Variants in CUX1 observed in about 807,000 individuals in gnomAD.
The protein encoded by CUX1 is protein CASP.
A neutral mutation model predicts 158.8 loss-of-function variants in CUX1; 31 were observed. That is an observed-to-expected ratio of 0.20 (90% CI 0.15 to 0.26). The LOEUF is 0.26. Among genes scored for constraint, CUX1 ranks in the 10% least tolerant of loss-of-function variants. CUX1 has a pLI of 1.00. For missense variants in CUX1, 1,589 were observed against 2,014.6 expected (o/e 0.79, Z 4.04); for synonymous variants, 879 against 862.1 (o/e 1.02, Z -0.34).
chr7:102,134,060 C>T (rs1441199050), intron 8 of CUX1, among the ~76,000 whole-genome samples: 2 of 152,118 alleles, frequency 1.3e-5, no homozygotes, highest in Non-Finnish European at 2.9e-5. Context: ...ATTGTCCTGG[C>T]GCGCTGGCTC....
chr7:102,020,890 A>G lies in CUX1; in HGVS notation c.142-7208A>G, dbSNP rs116792035. ...AGCAAAACTCGGTTTGGAAAAAAAA[A>G]AAAAAAAGAAATTACAAAGTGAGCT... On this transcript the variant is annotated intron_variant, in intron 2 of 23. Coordinates refer to ENST00000292535, the MANE Select transcript of CUX1 (RefSeq NM_181552.4). Among the ~76,000 whole-genome samples the G allele has an allele frequency of 9.5e-3, 1,449 of 152,064 alleles. 20 individuals carry two copies. The highest frequency in any genetic ancestry group is 0.033 in the African/African-American group (1,355 of 41,476).
At chr7:102,207,604 AC>A (rs1429053021) in intron 20 of CUX1, among the ~76,000 whole-genome samples, 1 of 151,968 alleles carries the variant, frequency 6.6e-6, no homozygotes, top group Non-Finnish European at 1.5e-5. Context: ...GGTACCCATC[AC>A]CACGCCCGGC....
Position 101,869,243 on chromosome 7 carries a change from G to A in CUX1, c.31-46872G>A, listed in dbSNP as rs892125481. On this transcript the variant is annotated intron_variant, in intron 1 of 23. Coordinates refer to ENST00000292535, the MANE Select transcript of CUX1 (RefSeq NM_181552.4). The surrounding 1 kb of genome is among the most constrained non-coding windows in gnomAD (Gnocchi z 4.5). ...GGCAGAGGGGCTGTGTCAGAGCCCC[G>A]GCTGGCGAGAGGAGCATCACTGTGT... Among the ~76,000 whole-genome samples the A allele has an allele frequency of 4.0e-5, 6 of 151,722 alleles. No homozygotes were observed. Among genetic ancestry groups the A allele is most frequent in the Admixed American group, 6.6e-5 (1 of 15,232 alleles).
chr7:101,964,451 T>G (rs973134645), intron 2 of CUX1, among the ~76,000 whole-genome samples: 1 of 152,226 alleles, frequency 6.6e-6, no homozygotes, highest in African/African-American at 2.4e-5. Context: ...TCCTTGTTAT[T>G]GATGTTATCG....
intron 9 of CUX1, among the ~76,000 whole-genome samples, chr7:102,162,741 C>T (rs1003694040): frequency 6.6e-6 from 1 of 152,166 alleles, no homozygotes; most frequent in African/African-American, 2.4e-5. Context: ...CTCTTGAACT[C>T]CTGGGCTCAA....
chr7:101,823,926 C>G (rs184563583), intron 1 of CUX1, among the ~76,000 whole-genome samples: 1 of 152,244 alleles, frequency 6.6e-6, no homozygotes, highest in East Asian at 1.9e-4. Flanking sequence ...AAAACCAAAC[C>G]AAACCAAACC....
At chr7:102,039,890 GC>G (rs1821874148) in intron 3 of CUX1, among the ~76,000 whole-genome samples, 1 of 152,118 alleles carries the variant, frequency 6.6e-6, no homozygotes, top group Non-Finnish European at 1.5e-5. Context: ...AGTATCACCT[GC>G]TGACATGGCC....
At chr7:101,910,605 A>G (rs1192595437) in intron 1 of CUX1, among the ~76,000 whole-genome samples, 1 of 152,092 alleles carries the variant, frequency 6.6e-6, no homozygotes, top group Non-Finnish European at 1.5e-5. Context: ...AAAACATAAA[A>G]ATTAGCTGGG....
At position 101,869,966 on chromosome 7, in the gene CUX1, G is replaced by A. The variant is rs897993488; in HGVS notation, c.31-46149G>A. Among the ~76,000 whole-genome samples, 3 of 151,674 alleles carry A rather than the reference G, an allele frequency of 2.0e-5. No homozygotes were observed. Among genetic ancestry groups the A allele is most frequent in the Non-Finnish European group, 2.9e-5 (2 of 67,918 alleles). On this transcript the variant is annotated intron_variant, in intron 1 of 23. Transcript: ENST00000292535. The surrounding 1 kb of genome is among the most constrained non-coding windows in gnomAD (Gnocchi z 4.5). Reference sequence around the variant, plus strand: ...ACCACCCTTGGGAAGGCGGCTCCTCGTGCCCCCCCTCTTGTGCCTTCCCTC... The same window carrying A: ...ACCACCCTTGGGAAGGCGGCTCCTCATGCCCCCCCTCTTGTGCCTTCCCTC...
At chr7:101,944,506 C>A (rs1401934754) in intron 2 of CUX1, among the ~76,000 whole-genome samples, 2 of 152,190 alleles carry the variant, frequency 1.3e-5, no homozygotes, top group Non-Finnish European at 2.9e-5. Context: ...CAGTGAGCCA[C>A]CAGTTGACAC....
At chr7:102,242,859 G>A (rs1800367768) in intron 23 of CUX1, among the ~76,000 whole-genome samples, 1 of 152,200 alleles carries the variant, frequency 6.6e-6, no homozygotes, top group African/African-American at 2.4e-5. Context: ...TCATTGTGGG[G>A]ATGCCTCTTT....
At chr7:102,158,994 G>T (rs1019903113) in intron 9 of CUX1, among the ~76,000 whole-genome samples, 2 of 151,772 alleles carry the variant, frequency 1.3e-5, no homozygotes, top group East Asian at 1.9e-4. Context: ...TCTCACCACG[G>T]TGTTATCCTA....
At chr7:101,986,714 C>T (rs145968612) in intron 2 of CUX1, among the ~76,000 whole-genome samples, 223 of 152,226 alleles carry the variant, frequency 1.5e-3, no homozygotes, top group African/African-American at 5.0e-3. Flanking sequence ...GGTTTGGAGA[C>T]GAGAGGAAAT....
chr7:102,111,547 C>T (rs1044766621), intron 6 of CUX1, 151 bp from the exon 7 acceptor site: 3 of 664,444 alleles, frequency 4.5e-6, no homozygotes, highest in African/African-American at 3.6e-5. Context: ...GGGAGCGGGG[C>T]CCACGGCACA....
At chr7:101,826,540 T>C (rs971824704) in intron 1 of CUX1, among the ~76,000 whole-genome samples, 3 of 152,128 alleles carry the variant, frequency 2.0e-5, no homozygotes, top group Non-Finnish European at 1.5e-5. Flanking sequence ...CTTTTGCCCC[T>C]GTGTGCCCGG....
chr7:102,178,317 G>T, intron 10 of CUX1, 152 bp from the exon 11 acceptor site: 1 of 728,506 alleles, frequency 1.4e-6, no homozygotes. Context: ...GGTTGCATAG[G>T]GGAAGTGCAA....
At chr7:102,228,901 A>G (rs539938959) in intron 21 of CUX1, among the ~76,000 whole-genome samples, 9 of 152,296 alleles carry the variant, frequency 5.9e-5, no homozygotes, top group African/African-American at 1.9e-4. Flanking sequence ...TGGAAGGTCT[A>G]ACGGACCCCG....
At chr7:102,028,826 A>G (rs1286737847) in intron 3 of CUX1, among the ~76,000 whole-genome samples, 1 of 152,166 alleles carries the variant, frequency 6.6e-6, no homozygotes, top group African/African-American at 2.4e-5. Context: ...AGTGATGTTT[A>G]GAAAACCAGA....
chr7:102,016,840 C>T (rs1194639821), intron 2 of CUX1, among the ~76,000 whole-genome samples: 2 of 152,176 alleles, frequency 1.3e-5, no homozygotes, highest in Non-Finnish European at 2.9e-5. Flanking sequence ...TGATTTTAAA[C>T]AGCCCATTTG....
Sources: gnomAD v4.1 joint callset for allele counts (sites outside exome capture counted in the v4.1 genomes callset) on GRCh38, gnomAD v4.1.1 for gene constraint, Gnocchi (gnomAD v3.1) non-coding constraint, MANE v1.5 for transcripts, NCBI Gene and HGNC (gene_info 2026-07-23, HGNC 2026-07-21) for gene names.